CDYL2: variants seen among roughly 807,000 people sequenced by gnomAD.
CDYL2 encodes chromodomain Y-like protein 2.
Under a neutral mutation model 49.4 loss-of-function variants are expected in CDYL2, and 23 were observed. The observed-to-expected ratio is 0.47, with a 90% CI of 0.34 to 0.66. CDYL2 has a LOEUF of 0.66. Among genes scored for constraint, CDYL2 ranks in the 30% least tolerant of loss-of-function variants. The pLI is 0.01. For missense variants in CDYL2, 678 were observed against 656.4 expected (o/e 1.03, Z -0.36); for synonymous variants, 360 against 268.8 (o/e 1.34, Z -3.32).
At chr16:80,664,963 G>C (rs1465067819) in intron 2 of CDYL2, among the ~76,000 whole-genome samples, 1 of 152,102 alleles carries the variant, frequency 6.6e-6, no homozygotes, top group Non-Finnish European at 1.5e-5. Flanking sequence ...CAATGTATTT[G>C]TCATTTCCCC....
intron 2 of CDYL2, among the ~76,000 whole-genome samples, chr16:80,645,613 G>C (rs1908305433): frequency 6.6e-6 from 1 of 152,236 alleles, no homozygotes; most frequent in East Asian, 1.9e-4. Context: ...AATACCATTT[G>C]ACCCAGCAAT....
chr16:80,792,354 T>G (rs1371895602), intron 1 of CDYL2, among the ~76,000 whole-genome samples: 1 of 151,900 alleles, frequency 6.6e-6, no homozygotes, highest in South Asian at 2.1e-4. Context: ...CAACTGAGAG[T>G]GGAGGGCCAT....
intron 1 of CDYL2, among the ~76,000 whole-genome samples, chr16:80,712,187 G>GTATATATATATACATATA (rs1464649825): frequency 2.4e-4 from 9 of 38,098 alleles, no homozygotes; most frequent in African/African-American, 1.2e-3. Flanking sequence ...TTGTGTCTGT[G>GTATATATATATACATATA]TGTGTATATA....
chr16:80,643,683 G>A (rs933512318), intron 2 of CDYL2, among the ~76,000 whole-genome samples: 1 of 152,248 alleles, frequency 6.6e-6, no homozygotes, highest in African/African-American at 2.4e-5. Flanking sequence ...GCCAAAGCTT[G>A]GGGCTTGCAC....
chr16:80,779,728 C>T (rs1907202455), intron 1 of CDYL2, among the ~76,000 whole-genome samples: 1 of 151,872 alleles, frequency 6.6e-6, no homozygotes, highest in Non-Finnish European at 1.5e-5. Flanking sequence ...AAAACAGTTG[C>T]AAAAATTGTA....
chr16:80,650,856 G>C (rs1908552703), intron 2 of CDYL2, among the ~76,000 whole-genome samples: 1 of 151,664 alleles, frequency 6.6e-6, no homozygotes, highest in Admixed American at 6.6e-5. Flanking sequence ...CTGAGTGAAA[G>C]AAGCCAGGCA....
intron 1 of CDYL2, among the ~76,000 whole-genome samples, chr16:80,754,752 T>C (rs919862480): frequency 1.3e-5 from 2 of 152,190 alleles, no homozygotes; most frequent in African/African-American, 4.8e-5. Context: ...AATAAGTTAT[T>C]AGTTTGAGCT....
chr16:80,774,929 G>A (rs1271867365), intron 1 of CDYL2, among the ~76,000 whole-genome samples: 3 of 151,388 alleles, frequency 2.0e-5, no homozygotes, highest in African/African-American at 7.3e-5. Context: ...TTATCACCAA[G>A]TAGGACTTAC....
At chr16:80,653,061 C>CA (rs994875150) in intron 2 of CDYL2, among the ~76,000 whole-genome samples, 21 of 151,934 alleles carry the variant, frequency 1.4e-4, no homozygotes, top group East Asian at 5.8e-4. Flanking sequence ...GTTTCAACAA[C>CA]AAAAAAAATC....
At chr16:80,707,334 C>T (rs918997611) in intron 1 of CDYL2, among the ~76,000 whole-genome samples, 2 of 151,826 alleles carry the variant, frequency 1.3e-5, no homozygotes, top group African/African-American at 2.4e-5. Context: ...CTGGGGCTGG[C>T]GTGTGTCTGT....
intron 1 of CDYL2, among the ~76,000 whole-genome samples, chr16:80,803,072 C>A (rs546566177): frequency 6.6e-6 from 1 of 152,300 alleles, no homozygotes; most frequent in Admixed American, 6.5e-5. Context: ...ACTTCTTTAT[C>A]CTGAACCTGG....
intron 3 of CDYL2, chr16:80,632,490 A>C (rs1907608455): frequency 6.4e-6 from 1 of 155,978 alleles, no homozygotes; most frequent in Non-Finnish European, 1.4e-5. Context: ...TTCAGTAGTG[A>C]TGATGCTTGC....
intron 1 of CDYL2, among the ~76,000 whole-genome samples, chr16:80,733,264 C>G (rs1370475449): frequency 6.6e-6 from 1 of 152,200 alleles, no homozygotes; most frequent in African/African-American, 2.4e-5. Context: ...GTGTGCATTT[C>G]AAGTAACCCC....
chr16:80,734,385 G>C (rs1168625803), intron 1 of CDYL2, among the ~76,000 whole-genome samples: 1 of 152,164 alleles, frequency 6.6e-6, no homozygotes, highest in African/African-American at 2.4e-5. Flanking sequence ...GCACGAGGTT[G>C]AGATAGTTAA....
intron 1 of CDYL2, among the ~76,000 whole-genome samples, chr16:80,687,511 T>C (rs1042524840): frequency 7.2e-5 from 11 of 151,736 alleles, no homozygotes; most frequent in Non-Finnish European, 1.0e-4. Context: ...GATGGTAGGA[T>C]GTATGGGTGA....
chr16:80,691,196 T>C (rs1208999485), intron 1 of CDYL2, among the ~76,000 whole-genome samples: 1 of 152,186 alleles, frequency 6.6e-6, no homozygotes, highest in Non-Finnish European at 1.5e-5. Flanking sequence ...AGACCTTTCT[T>C]TCTGCATCCT....
chr16:80,710,490 G>C (rs541967596), intron 1 of CDYL2, among the ~76,000 whole-genome samples: 5 of 152,314 alleles, frequency 3.3e-5, no homozygotes, highest in East Asian at 3.9e-4. Flanking sequence ...ACACTGACGT[G>C]GATGTGCGTG....
At chr16:80,801,094 C>T (rs1462747321) in intron 1 of CDYL2, among the ~76,000 whole-genome samples, 1 of 152,226 alleles carries the variant, frequency 6.6e-6, no homozygotes, top group Non-Finnish European at 1.5e-5. Context: ...GCTGCCACTC[C>T]ATGGCCCCTA....
At chr16:80,751,647 G>A (rs1229310088) in intron 1 of CDYL2, among the ~76,000 whole-genome samples, 1 of 152,300 alleles carries the variant, frequency 6.6e-6, no homozygotes, top group South Asian at 2.1e-4. Context: ...AGTCAAAGAA[G>A]GATAATAGGC....
Sources: allele counts gnomAD v4.1 joint callset (sites outside exome capture counted in the v4.1 genomes callset), GRCh38; gene constraint gnomAD v4.1.1; transcripts MANE v1.5; gene names NCBI Gene and HGNC (gene_info 2026-07-23, HGNC 2026-07-21).